Variants in PRLR observed in about 807,000 individuals in gnomAD.
PRLR encodes the protein prolactin receptor.
Under a neutral mutation model 40.2 loss-of-function variants are expected in PRLR, and 13 were observed. That is an observed-to-expected ratio of 0.32 (90% CI 0.21 to 0.51). PRLR has a LOEUF of 0.51. Among genes scored for constraint, PRLR ranks in the 20% least tolerant of loss-of-function variants. PRLR has a pLI of 0.97. For synonymous variants in PRLR, 269 were observed against 278.7 expected (o/e 0.97, Z 0.35); for missense variants, 656 against 747.3 (o/e 0.88, Z 1.42).
chr5:35,206,999 T>C (rs1776039381), intron 1 of PRLR, among the ~76,000 whole-genome samples: 1 of 152,124 alleles, frequency 6.6e-6, no homozygotes, highest in African/African-American at 2.4e-5. Context: ...AATATGTTAA[T>C]ATGAATTAAG....
chr5:35,186,407 A>C (rs1220019988), intron 1 of PRLR, among the ~76,000 whole-genome samples: 1 of 152,168 alleles, frequency 6.6e-6, no homozygotes. Context: ...GTTCATCAAG[A>C]CTTACTGTCA....
rs1382525950 is a variant in PRLR, at chr5:35,068,193, A to AT, written c.855+22dup. ...ACTACAGAGCAGTGAGTCACACTCC[A>AT]TTTTTTTGCCTCCTGTACTTACCTC... On this transcript the variant is annotated intron_variant, in intron 9 of 9. Coordinates refer to ENST00000618457, the MANE Select transcript of PRLR (RefSeq NM_000949.7). 15 of 1,581,684 alleles carry AT rather than the reference A, an allele frequency of 9.5e-6. No individual in the cohort carries two copies. In the Admixed American group the frequency reaches 1.3e-4, roughly 14 times the overall value.
intron 8 of PRLR, 96 bp from the exon 9 acceptor site, chr5:35,068,381 AG>A: frequency 9.3e-7 from 1 of 1,071,712 alleles, no homozygotes; most frequent in Non-Finnish European, 1.4e-6. Context: ...ACTGTGATAG[AG>A]ATAGGACTTG....
rs906608552 is a variant in PRLR at position 35,174,279 on chromosome 5, G to A, written c.-106+55989C>T. ...TAATTTTTTGTATTTTAGTGGAGACGGAGTTTCACCATGTTGCCCAGGCTG... is the reference window on the plus strand; with the variant it reads ...TAATTTTTTGTATTTTAGTGGAGACAGAGTTTCACCATGTTGCCCAGGCTG... On this transcript the variant is annotated intron_variant, in intron 1 of 9. Transcript: ENST00000618457. Among the ~76,000 whole-genome samples the A allele has an allele frequency of 5.3e-5, 8 of 152,182 alleles. No individual in the cohort carries two copies. In the East Asian group the frequency reaches 7.7e-4, roughly 15 times the overall value.
intron 2 of PRLR, among the ~76,000 whole-genome samples, chr5:35,104,543 G>C (rs1041465029): frequency 2.0e-5 from 3 of 152,142 alleles, no homozygotes; most frequent in Non-Finnish European, 4.4e-5. Context: ...TTTTCCAATG[G>C]TCTTAGCAAA....
intron 2 of PRLR, among the ~76,000 whole-genome samples, chr5:35,106,739 A>G (rs899014709): frequency 1.3e-5 from 2 of 152,202 alleles, no homozygotes; most frequent in Admixed American, 1.3e-4. Flanking sequence ...GTCCTTAGAG[A>G]CCTGCAAGGA....
chr5:35,107,619 A>T (rs979359283), intron 2 of PRLR, among the ~76,000 whole-genome samples: 1 of 152,208 alleles, frequency 6.6e-6, no homozygotes, highest in East Asian at 1.9e-4. Flanking sequence ...TAAACTAGAA[A>T]ATCTAGAAGA....
rs1299861897 is a variant in PRLR, at chr5:35,060,110, CTAAG to C, written c.*4975_*4978del. The C allele has an allele frequency of 3.3e-5, 5 of 152,214 alleles. No individual in the cohort carries two copies. Among genetic ancestry groups the C allele is most frequent in the Admixed American group, 3.3e-4 (5 of 15,280 alleles). The allele number at this position is 152,214 out of a possible 1,614,324, so 9.4% of individuals were successfully genotyped here. A position where few individuals can be genotyped will look rare whatever the true frequency, so the allele number is the denominator to read the frequency against. On this transcript the variant is annotated 3_prime_UTR_variant, in exon 10 of 10. Transcript: ENST00000618457. ...TAATTAATGAACATGGGCTTAATCTCTAAGTATGCAAATCTCTAAATGGGATATA... is the reference window on the plus strand; with the variant it reads ...TAATTAATGAACATGGGCTTAATCTCTATGCAAATCTCTAAATGGGATATA...
At chr5:35,051,237 C>A (rs1171028097), downstream of PRLR, among the ~76,000 whole-genome samples, 1 of 152,214 alleles carries the variant, frequency 6.6e-6, no homozygotes, top group African/African-American at 2.4e-5. Context: ...GTACTGCTAA[C>A]TGCATACCTG....
chr5:35,053,946 A>AATAG (rs1216358852), downstream of PRLR, among the ~76,000 whole-genome samples: 1 of 152,208 alleles, frequency 6.6e-6, no homozygotes, highest in Admixed American at 6.5e-5. Context: ...CCAGGACAGG[A>AATAG]ATAGATACAC....
intron 1 of PRLR, among the ~76,000 whole-genome samples, chr5:35,167,708 C>T (rs1561344457): frequency 1.3e-5 from 2 of 152,006 alleles, no homozygotes; most frequent in African/African-American, 4.8e-5. Context: ...AACTAAAGGA[C>T]TAAGTTAACT....
rs573255943 is a variant in PRLR at position 35,179,678 on chromosome 5, T to A, written c.-106+50590A>T. 2.6e-5 allele frequency among the ~76,000 whole-genome samples: 4 copies of A among 152,240 alleles called. No individual in the cohort carries two copies. In the South Asian group the frequency reaches 8.3e-4, roughly 32 times the overall value. On this transcript the variant is annotated intron_variant, in intron 1 of 9. Transcript: ENST00000618457. ...TGCTTTTATGAAGGTATTGATATAG[T>A]TTGGATGTGTGTCCCCACCCAAATT...
chr5:35,110,993 C>G (rs922707252), intron 2 of PRLR, among the ~76,000 whole-genome samples: 1 of 152,134 alleles, frequency 6.6e-6, no homozygotes, highest in African/African-American at 2.4e-5. Context: ...TTTCTCTGTA[C>G]CCCCACCCCA....
rs1256417516 is a variant in PRLR, at chr5:35,062,742, T to C, written c.*2347A>G. 6.6e-6 allele frequency: 1 copy of C among 152,226 alleles called. No individual in the cohort carries two copies. The highest frequency in any genetic ancestry group is 1.5e-5 in the Non-Finnish European group (1 of 68,044). The allele number at this position is 152,226 out of a possible 1,614,324, so 9.4% of individuals were successfully genotyped here. ...TGAGGGTGACTGTCTTTGGTTAATG[T>C]CTCTCAAGGTAGATTATATTCCTTG... On this transcript the variant is annotated 3_prime_UTR_variant, in exon 10 of 10. Coordinates refer to ENST00000618457, the MANE Select transcript of PRLR (RefSeq NM_000949.7).
In PRLR at chr5:35,062,970, G is replaced by A. The variant is rs1412792767; in HGVS notation, c.*2119C>T. ...CTATGAACTAAAATAACCTTTAGTG[G>A]AAATGGTTGTCTAGAACAATGCTTC... On this transcript the variant is annotated 3_prime_UTR_variant, in exon 10 of 10. Transcript: ENST00000618457. 3.3e-5 allele frequency: 5 copies of A among 152,168 alleles called. No individual in the cohort carries two copies. Among genetic ancestry groups the A allele is most frequent in the African/African-American group, 1.2e-4 (5 of 41,432 alleles). 9.4% of individuals were successfully genotyped at this position (152,168 alleles called of 1,614,324 possible). A position where few individuals can be genotyped will look rare whatever the true frequency, so the allele number is the denominator to read the frequency against.
intron 1 of PRLR, among the ~76,000 whole-genome samples, chr5:35,127,044 T>C (rs1054350897): frequency 4.6e-5 from 7 of 152,182 alleles, no homozygotes; most frequent in African/African-American, 1.4e-4. Context: ...TGCCTAAATA[T>C]GTATCCCAGG....
chr5:35,068,922 A>C, intron 7 of PRLR, 44 bp from the exon 8 acceptor site: 1 of 1,418,238 alleles, frequency 7.1e-7, no homozygotes, highest in Non-Finnish European at 9.9e-7. Flanking sequence ...GTACAGCATC[A>C]TTAAAAACAA....
intron 2 of PRLR, among the ~76,000 whole-genome samples, chr5:35,104,113 A>G (rs1772069681): frequency 6.6e-6 from 1 of 152,182 alleles, no homozygotes; most frequent in South Asian, 2.1e-4. Context: ...AGAACACAGT[A>G]GCACTTAGCT....
At chr5:35,209,859 T>C (rs1485737774) in intron 1 of PRLR, among the ~76,000 whole-genome samples, 1 of 152,250 alleles carries the variant, frequency 6.6e-6, no homozygotes, top group Non-Finnish European at 1.5e-5. Context: ...AACCTCTGTA[T>C]AAGTCTATAG....
Sources: allele counts gnomAD v4.1 joint callset (sites outside exome capture counted in the v4.1 genomes callset), GRCh38; gene constraint gnomAD v4.1.1; transcripts MANE v1.5; gene names NCBI Gene and HGNC (gene_info 2026-07-23, HGNC 2026-07-21).